APBA2: variants seen among roughly 807,000 people sequenced by gnomAD.
APBA2 encodes amyloid beta precursor protein binding family A member 2, also known as amyloid-beta A4 precursor protein-binding family A member 2.
In APBA2, 30 loss-of-function variants were observed where a neutral mutation model predicts 75.0. The ratio of observed to expected loss-of-function variants is 0.40; its 90% confidence interval spans 0.30 to 0.54. The LOEUF (loss-of-function observed/expected upper bound fraction) is 0.54. Ranked by LOEUF, APBA2 falls within the 20% of genes least tolerant of loss-of-function variation. APBA2 has a pLI of 0.49. For synonymous variants in APBA2, 444 were observed against 409.6 expected (o/e 1.08, Z -1.01); for missense variants, 801 against 1,016.1 (o/e 0.79, Z 2.88).
intron 3 of APBA2, among the ~76,000 whole-genome samples, chr15:29,007,096 A>G (rs918817702): frequency 4.6e-5 from 7 of 152,258 alleles, no homozygotes; most frequent in African/African-American, 1.7e-4. Context: ...ACAGCCCCCA[A>G]GTAAACCCTG....
intron 2 of APBA2, among the ~76,000 whole-genome samples, chr15:28,931,453 G>A (rs181445811): frequency 6.6e-6 from 1 of 152,294 alleles, no homozygotes; most frequent in East Asian, 1.9e-4. Context: ...CTAGCAAAGT[G>A]GGACTGATGA....
chr15:29,036,120 G>A (rs1034528342), intron 3 of APBA2, among the ~76,000 whole-genome samples: 3 of 152,114 alleles, frequency 2.0e-5, no homozygotes, highest in African/African-American at 7.2e-5. Context: ...CCCCTCCCTT[G>A]TGTCCTTGTA....
Position 29,108,272 on chromosome 15 carries a change from C to T in APBA2, c.1920C>T (p.Gly640=). 1 of 1,613,866 alleles carries T rather than the reference C, an allele frequency of 6.2e-7. No homozygotes were observed. Residue 640 remains glycine (G), a splice_region_variant and synonymous_variant, in exon 13 of 15, where the codon GGC becomes GGT. Transcript: ENST00000683413. ...ACTCCTGTCCCCGTGCTCTGCAGGG[C>T]CTGAAGAACCAGACACAGGTGAAGC... ...PLATCQGIIK[G]LKNQTQVKLN... is the part of the protein sequence containing the mutation.
At chr15:29,080,536 T>C (rs1447468122) in intron 6 of APBA2, among the ~76,000 whole-genome samples, 1 of 152,054 alleles carries the variant, frequency 6.6e-6, no homozygotes, top group East Asian at 1.9e-4. Flanking sequence ...CTAGCGACCC[T>C]CTCAGACTGG....
intron 3 of APBA2, among the ~76,000 whole-genome samples, chr15:28,997,192 G>T (rs2038573192): frequency 1.3e-5 from 2 of 152,268 alleles, no homozygotes; most frequent in Non-Finnish European, 2.9e-5. Flanking sequence ...TGAATTACAC[G>T]GTGGCTCTCC....
At chr15:28,931,007 G>A (rs1595485602) in intron 2 of APBA2, among the ~76,000 whole-genome samples, 1 of 152,208 alleles carries the variant, frequency 6.6e-6, no homozygotes, top group African/African-American at 2.4e-5. Flanking sequence ...AAACTCGGGT[G>A]CCGCGTCCGC....
At chr15:28,907,243 T>G (rs999152569) in intron 1 of APBA2, among the ~76,000 whole-genome samples, 3 of 152,238 alleles carry the variant, frequency 2.0e-5, no homozygotes, top group Non-Finnish European at 4.4e-5. Flanking sequence ...TCAGCCACTT[T>G]GACCTCTCTC....
chr15:28,913,109 G>A (rs1400724832), intron 1 of APBA2, among the ~76,000 whole-genome samples: 2 of 152,200 alleles, frequency 1.3e-5, no homozygotes, highest in Non-Finnish European at 1.5e-5. Flanking sequence ...TGTGTCCGTC[G>A]CAGATGGGCA....
At chr15:29,111,170 T>C (rs1488023101) in intron 13 of APBA2, among the ~76,000 whole-genome samples, 2 of 151,486 alleles carry the variant, frequency 1.3e-5, no homozygotes, top group South Asian at 2.1e-4. Context: ...GTCTCTGCCC[T>C]GGGTCTAGGG....
At chr15:28,892,070 A>G (rs930567994) in intron 1 of APBA2, among the ~76,000 whole-genome samples, 5 of 136,048 alleles carry the variant, frequency 3.7e-5, no homozygotes, top group African/African-American at 8.8e-5. Flanking sequence ...TGTGTTATAT[A>G]TAATATATAT....
In APBA2 at chr15:28,982,048, A is replaced by G. The variant is rs2037650174; in HGVS notation, c.-94-13705A>G. ...AAGGGTTGAAAACTAACTGTTGGGTACTGTGCTTGTTACCTGGATGACGGG... is the reference window on the plus strand; with the variant it reads ...AAGGGTTGAAAACTAACTGTTGGGTGCTGTGCTTGTTACCTGGATGACGGG... On this transcript the variant is annotated intron_variant, in intron 2 of 14. Coordinates refer to ENST00000683413, the MANE Select transcript of APBA2 (RefSeq NM_001353788.2). Among the ~76,000 whole-genome samples the G allele has an allele frequency of 5.3e-5, 8 of 152,356 alleles. No individual in the cohort carries two copies. In the South Asian group the frequency reaches 1.7e-3, roughly 32 times the overall value.
At chr15:29,069,418 G>A (rs928570617) in intron 4 of APBA2, among the ~76,000 whole-genome samples, 18 of 152,246 alleles carry the variant, frequency 1.2e-4, no homozygotes, top group South Asian at 6.2e-4. Flanking sequence ...AGTGTTTACC[G>A]TTTTTAGGAA....
chr15:28,891,019 A>C (rs561565334), intron 1 of APBA2, among the ~76,000 whole-genome samples: 1 of 152,312 alleles, frequency 6.6e-6, no homozygotes, highest in African/African-American at 2.4e-5. Flanking sequence ...TAAGAGAAAA[A>C]AAATATGTGG....
intron 3 of APBA2, among the ~76,000 whole-genome samples, chr15:29,020,129 T>C (rs1322401301): frequency 6.6e-6 from 1 of 152,262 alleles, no homozygotes; most frequent in Non-Finnish European, 1.5e-5. Context: ...ATTCGTCTTT[T>C]TCTTATTGAT....
chr15:28,890,103 C>T (rs766665475), intron 1 of APBA2, among the ~76,000 whole-genome samples: 5 of 152,300 alleles, frequency 3.3e-5, no homozygotes, highest in South Asian at 2.1e-4. Context: ...CTCCTTTTCC[C>T]GCGTCCCAGA....
At chr15:28,958,158 G>A (rs1403532799) in intron 2 of APBA2, among the ~76,000 whole-genome samples, 1 of 152,250 alleles carries the variant, frequency 6.6e-6, no homozygotes, top group African/African-American at 2.4e-5. Context: ...CCAATGACAT[G>A]TAAGCAGAAG....
intron 2 of APBA2, among the ~76,000 whole-genome samples, chr15:28,949,421 A>G (rs968497547): frequency 3.9e-5 from 6 of 152,144 alleles, no homozygotes; most frequent in African/African-American, 1.4e-4. Context: ...GTTCCTACGC[A>G]TCACGGAGGA....
In APBA2 at chr15:28,987,796, AC is replaced by A. The variant is rs1214833303; in HGVS notation, c.-94-7954del. On this transcript the variant is annotated intron_variant, in intron 2 of 14. Transcript: ENST00000683413. ...TGAGATGGAGTCTCACCACTCTGTC[AC>A]CCAGGCTGGAGTGCAGTGATGTGAT... Among the ~76,000 whole-genome samples, 3 of 136,410 alleles carry A rather than the reference AC, an allele frequency of 2.2e-5. No individual in the cohort carries two copies. In the East Asian group the frequency reaches 6.8e-4, roughly 31 times the overall value. The allele number at this position is 136,410 out of a possible 152,430, so 89.5% of individuals were successfully genotyped here.
intron 10 of APBA2, 147 bp from the exon 11 acceptor site, chr15:29,105,228 GTTTC>G: frequency 1.3e-6 from 1 of 744,114 alleles, no homozygotes; most frequent in South Asian, 1.7e-5. Flanking sequence ...AGGGCCCCCA[GTTTC>G]TTTCTTGTTC....
Sources: gnomAD v4.1 joint callset for allele counts (sites outside exome capture counted in the v4.1 genomes callset) on GRCh38, gnomAD v4.1.1 for gene constraint, MANE v1.5 for transcripts, NCBI Gene and HGNC (gene_info 2026-07-23, HGNC 2026-07-21) for gene names.